ZNF382: variants seen among roughly 807,000 people sequenced by gnomAD.
ZNF382 encodes the protein KRAB/zinc finger suppressor protein 1.
ZNF382 carries 20 observed loss-of-function variants against 38.8 expected under a neutral mutation model. That is an observed-to-expected ratio of 0.51 (90% CI 0.36 to 0.75). The LOEUF (loss-of-function observed/expected upper bound fraction) is 0.75. Ranked by LOEUF, ZNF382 falls within the 30% of genes least tolerant of loss-of-function variation. The probability of loss-of-function intolerance (pLI) is 0.00; values close to 1 mark genes in which losing one functional copy is unlikely to be tolerated. For synonymous variants in ZNF382, 202 were observed against 223.1 expected (o/e 0.91, Z 0.84); for missense variants, 546 against 654.1 (o/e 0.83, Z 1.80).
At chr19:36,610,841 C>T (rs2037071734) in intron 4 of ZNF382, 99 bp downstream of exon 4, 1 of 847,222 alleles carries the variant, frequency 1.2e-6, no homozygotes, top group South Asian at 1.7e-5. Context: ...GTAAAATACA[C>T]ATAACATTAA....
At chr19:36,625,208 A>G (rs2037202696) in intron 4 of ZNF382, among the ~76,000 whole-genome samples, 1 of 147,076 alleles carries the variant, frequency 6.8e-6, no homozygotes, top group African/African-American at 2.5e-5. Context: ...TCATGGGAAT[A>G]TGTTTTCCAG....
At chr19:36,612,780 C>A (rs567686205) in intron 4 of ZNF382, among the ~76,000 whole-genome samples, 2 of 151,886 alleles carry the variant, frequency 1.3e-5, no homozygotes, top group African/African-American at 2.4e-5. Context: ...TTGTTTGTTT[C>A]TTTGTTCGTT....
At position 36,610,732 on chromosome 19, in the gene ZNF382, C is replaced by T; in HGVS notation, c.222C>T (p.Tyr74=). The part of the protein sequence containing the change: ...ELWTQRIFPS[Y]SYLEEDGKTE... Reference sequence around the variant, plus strand: ...GGACACAGAGAATTTTTCCAAGTTACAGCTACCTAGGTGAGTCTATAAATG... The same window carrying T: ...GGACACAGAGAATTTTTCCAAGTTATAGCTACCTAGGTGAGTCTATAAATG... Residue 74 remains tyrosine (Y), a synonymous_variant, in exon 4 of 5, where the codon TAC becomes TAT. Coordinates refer to ENST00000292928, the MANE Select transcript of ZNF382 (RefSeq NM_032825.5). 6.2e-7 allele frequency: 1 copy of T among 1,612,278 alleles called. No homozygotes were observed. The highest frequency in any genetic ancestry group is 8.5e-7 in the Non-Finnish European group (1 of 1,178,692).
chr19:36,631,233 C>G lies in ZNF382; in HGVS notation c.*3683C>G, dbSNP rs1214890004. The stretch of plus-strand genomic sequence containing the variant: ...CCGAGATGGTACAGCCTACTAAACA[C>G]CTAGGCTATATGGTAGAGCCTGTTG... On this transcript the variant is annotated 3_prime_UTR_variant, in exon 5 of 5. Transcript: ENST00000292928. 6.6e-6 allele frequency: 1 copy of G among 152,160 alleles called. No individual in the cohort carries two copies. The highest frequency in any genetic ancestry group is 1.5e-5 in the Non-Finnish European group (1 of 68,040). The allele number at this position is 152,160 out of a possible 1,614,324, so 9.4% of individuals were successfully genotyped here.
chr19:36,610,461 A>T, intron 3 of ZNF382, 189 bp from the exon 4 acceptor site: 1 of 469,850 alleles, frequency 2.1e-6, no homozygotes, highest in East Asian at 3.9e-5. Context: ...CTCAAAAAAA[A>T]AAAAGAAAAG....
intron 1 of ZNF382, among the ~76,000 whole-genome samples, chr19:36,607,336 C>T (rs2037042416): frequency 6.6e-6 from 1 of 152,134 alleles, no homozygotes; most frequent in Non-Finnish European, 1.5e-5. Context: ...CCCCAGAATC[C>T]TGTATACTTT....
intron 4 of ZNF382, among the ~76,000 whole-genome samples, chr19:36,623,101 T>A (rs2145331464): frequency 6.6e-6 from 1 of 152,316 alleles, no homozygotes; most frequent in South Asian, 2.1e-4. Flanking sequence ...CTCATTTGCC[T>A]TTCCTTACTG....
chr19:36,615,773 A>G (rs1181607369), intron 4 of ZNF382, among the ~76,000 whole-genome samples: 2 of 152,164 alleles, frequency 1.3e-5, no homozygotes, highest in African/African-American at 2.4e-5. Flanking sequence ...CATTTCTACT[A>G]TATGTTTATT....
At chr19:36,612,298 T>A (rs927999411) in intron 4 of ZNF382, among the ~76,000 whole-genome samples, 1 of 152,258 alleles carries the variant, frequency 6.6e-6, no homozygotes, top group Non-Finnish European at 1.5e-5. Flanking sequence ...ATAAGTAGTT[T>A]GTTAACTGTG....
At chr19:36,615,191 T>C (rs2037116286) in intron 4 of ZNF382, among the ~76,000 whole-genome samples, 1 of 152,014 alleles carries the variant, frequency 6.6e-6, no homozygotes, top group Admixed American at 6.6e-5. Context: ...TTTCACCATA[T>C]TGGCCAGGCT....
chr19:36,622,543 A>G (rs949128475), intron 4 of ZNF382, among the ~76,000 whole-genome samples: 2 of 152,182 alleles, frequency 1.3e-5, no homozygotes, highest in African/African-American at 2.4e-5. Context: ...ACAGAGTACC[A>G]CCAACCAGCG....
In ZNF382 at chr19:36,626,563, G is replaced by T. The variant is rs2037215068; in HGVS notation, c.666G>T (p.Leu222=). 1.2e-6 allele frequency: 2 copies of T among 1,613,534 alleles called. No individual in the cohort carries two copies. The highest frequency in any genetic ancestry group is 2.2e-5 in the South Asian group (2 of 90,926). Reference sequence around the variant, plus strand: ...ATAATGAATGTGAAAAATCCTTCCTGATGAAAGGAATGCTATTTACACATA... The same window carrying T: ...ATAATGAATGTGAAAAATCCTTCCTTATGAAAGGAATGCTATTTACACATA... ...FDHNECEKSF[L]MKGMLFTHTR... is the part of the protein sequence containing the mutation. Residue 222 remains leucine (L), a synonymous_variant, in exon 5 of 5, where the codon CTG becomes CTT. Coordinates refer to ENST00000292928, the MANE Select transcript of ZNF382 (RefSeq NM_032825.5).
At chr19:36,614,916 TCCC>T (rs2037111177) in intron 4 of ZNF382, among the ~76,000 whole-genome samples, 1 of 115,282 alleles carries the variant, frequency 8.7e-6, no homozygotes, top group African/African-American at 4.1e-5. Flanking sequence ...TTCCTTTCCT[TCCC>T]TTTCCCTTTC....
chr19:36,606,346 A>T (rs1482212052), intron 1 of ZNF382, among the ~76,000 whole-genome samples: 3 of 125,070 alleles, frequency 2.4e-5, no homozygotes, highest in Admixed American at 1.7e-4. Context: ...CATAACTACC[A>T]CTTTTGTTGT....
rs1336279121 is a variant in ZNF382 at position 36,632,747 on chromosome 19, A to G, written c.*5197A>G. The G allele has an allele frequency of 6.6e-6, 1 of 152,226 alleles. No individual in the cohort carries two copies. Among genetic ancestry groups the G allele is most frequent in the Admixed American group, 6.5e-5 (1 of 15,282 alleles). The allele number at this position is 152,226 out of a possible 1,614,324, so 9.4% of individuals were successfully genotyped here. A position where few individuals can be genotyped will look rare whatever the true frequency, so the allele number is the denominator to read the frequency against. On this transcript the variant is annotated 3_prime_UTR_variant, in exon 5 of 5. Transcript: ENST00000292928. ...TGCAGTCTGACTGTAAATCAGCTCC[A>G]TCTTATAAACATGGTTCCTATAACT... is the stretch of plus-strand genomic sequence containing the variant.
intron 4 of ZNF382, among the ~76,000 whole-genome samples, chr19:36,615,675 GA>G (rs1395679147): frequency 2.6e-5 from 4 of 152,170 alleles, no homozygotes; most frequent in Non-Finnish European, 5.9e-5. Flanking sequence ...GGCAAATCAA[GA>G]AAACCTGAAA....
At position 36,627,469 on chromosome 19, in the gene ZNF382, G is replaced by C; in HGVS notation, c.1572G>C (p.Gln524His). Residue 524 changes from glutamine to histidine, a missense_variant, in exon 5 of 5, where the codon CAG becomes CAC. Gln to His is a conservative substitution (Grantham distance 24, BLOSUM62 0). Transcript: ENST00000292928. ...HTGEKPYECK[Q>H]CGKFFSCKSN... Reference sequence around the variant, plus strand: ...GCGAGAAACCATATGAATGTAAACAGTGTGGGAAGTTCTTCAGTTGTAAGT... The same window carrying C: ...GCGAGAAACCATATGAATGTAAACACTGTGGGAAGTTCTTCAGTTGTAAGT... The C allele has an allele frequency of 6.2e-7, 1 of 1,614,164 alleles. No individual in the cohort carries two copies.
chr19:36,626,471 G>A lies in ZNF382; in HGVS notation c.574G>A (p.Val192Ile). ...AVNLHKQTER[V>I]LSGKQELIQH... ...GAATCTCCATAAACAAACAGAAAGAGTTCTCAGTGGTAAACAGGAGCTTAT... is the reference window on the plus strand; with the variant it reads ...GAATCTCCATAAACAAACAGAAAGAATTCTCAGTGGTAAACAGGAGCTTAT... The change falls in exon 5 of 5, where the codon GTT (valine) becomes ATT (isoleucine). Residue 192 changes from valine to isoleucine, a missense_variant. Transcript: ENST00000292928. 3 of 1,603,938 alleles carry A rather than the reference G, an allele frequency of 1.9e-6. No homozygotes were observed. The highest frequency in any genetic ancestry group is 2.5e-6 in the Non-Finnish European group (3 of 1,177,132).
At chr19:36,622,501 AT>A (rs2037178271) in intron 4 of ZNF382, among the ~76,000 whole-genome samples, 2 of 152,216 alleles carry the variant, frequency 1.3e-5, no homozygotes, top group Non-Finnish European at 2.9e-5. Context: ...AGTCATGGAT[AT>A]CAATCCTGGC....
Sources: gnomAD v4.1 joint callset for allele counts (sites outside exome capture counted in the v4.1 genomes callset) on GRCh38, gnomAD v4.1.1 for gene constraint, MANE v1.5 for transcripts, NCBI Gene and HGNC (gene_info 2026-07-23, HGNC 2026-07-21) for gene names.